The following GRIK3 variants were observed in gnomAD, a reference collection of about 807,000 sequenced individuals.
GRIK3 encodes the protein glutamate receptor ionotropic, kainate 3.
GRIK3 carries 29 observed loss-of-function variants against 102.5 expected under a neutral mutation model. That is an observed-to-expected ratio of 0.28 (90% CI 0.21 to 0.39). The LOEUF (loss-of-function observed/expected upper bound fraction) is 0.39. Ranked by LOEUF, GRIK3 falls within the 10% of genes least tolerant of loss-of-function variation. The pLI is 1.00. For synonymous variants in GRIK3, 511 were observed against 504.9 expected (o/e 1.01, Z -0.16); for missense variants, 908 against 1,252.4 (o/e 0.73, Z 4.15).
intron 1 of GRIK3, among the ~76,000 whole-genome samples, chr1:36,973,001 C>T (rs1017095049): frequency 1.3e-5 from 2 of 152,188 alleles, no homozygotes; most frequent in Admixed American, 6.5e-5. Flanking sequence ...GTACAAAGAC[C>T]TGAGAGGTTC....
chr1:36,949,976 T>C (rs560663045), intron 1 of GRIK3, among the ~76,000 whole-genome samples: 11 of 152,262 alleles, frequency 7.2e-5, no homozygotes, highest in African/African-American at 2.6e-4. Flanking sequence ...AGCTGGTAAA[T>C]ATCAGAGCCA....
chr1:36,941,569 G>A (rs996700175), intron 1 of GRIK3, among the ~76,000 whole-genome samples: 5 of 152,026 alleles, frequency 3.3e-5, no homozygotes, highest in African/African-American at 1.2e-4. Flanking sequence ...GGGGAGTGCT[G>A]TATAAAGGCG....
chr1:37,030,670 T>G (rs1233740930), intron 1 of GRIK3, among the ~76,000 whole-genome samples: 1 of 151,776 alleles, frequency 6.6e-6, no homozygotes, highest in African/African-American at 2.4e-5. Flanking sequence ...CTGGCCAGGC[T>G]TCCCCAGCTG....
At chr1:36,909,009 A>G (rs72917523) in intron 1 of GRIK3, among the ~76,000 whole-genome samples, 4,963 of 152,290 alleles carry the variant, frequency 0.033, 196 homozygotes, top group East Asian at 0.11. Flanking sequence ...AACACTCATG[A>G]GAACCTCTAC....
intron 7 of GRIK3, 91 bp downstream of exon 7, chr1:36,859,017 T>A: frequency 8.6e-7 from 1 of 1,162,584 alleles, no homozygotes; most frequent in Non-Finnish European, 1.2e-6. Context: ...TGGATGAGAA[T>A]CAATCCTTCC....
At chr1:36,948,774 G>A (rs1024198849) in intron 1 of GRIK3, among the ~76,000 whole-genome samples, 52 of 152,184 alleles carry the variant, frequency 3.4e-4, no homozygotes, top group African/African-American at 1.2e-3. Flanking sequence ...AGGAGCGCCT[G>A]GCCTCCTTGT....
rs1035652270 is a variant in GRIK3, at chr1:36,952,819, A to T, written c.116-61723T>A. Among the ~76,000 whole-genome samples the T allele has an allele frequency of 2.0e-5, 3 of 152,204 alleles. No individual in the cohort carries two copies. In the South Asian group the frequency reaches 6.2e-4, roughly 32 times the overall value. ...GGGTGTTGGGGGGTCTAATTTATACATGGTGTTCAGGGAAGGGTTCTTCAA... is the reference window on the plus strand; with the variant it reads ...GGGTGTTGGGGGGTCTAATTTATACTTGGTGTTCAGGGAAGGGTTCTTCAA... On this transcript the variant is annotated intron_variant, in intron 1 of 15. Coordinates refer to ENST00000373091, the MANE Select transcript of GRIK3 (RefSeq NM_000831.4).
rs115290560 is a variant in GRIK3 at position 36,967,515 on chromosome 1, C to G, written c.115+66479G>C. ...CTATGGAAACACTGACACCAGGAAGCAGAACCACAGCCTATGGTCTGGAAA... is the reference window on the plus strand; with the variant it reads ...CTATGGAAACACTGACACCAGGAAGGAGAACCACAGCCTATGGTCTGGAAA... On this transcript the variant is annotated intron_variant, in intron 1 of 15. Transcript: ENST00000373091. Among the ~76,000 whole-genome samples, 448 of 152,306 alleles carry G rather than the reference C, an allele frequency of 2.9e-3. 2 individuals carry two copies. The highest frequency in any genetic ancestry group is 0.01 in the African/African-American group (433 of 41,574).
chr1:36,820,620 C>T (rs1642685046), intron 11 of GRIK3, among the ~76,000 whole-genome samples: 1 of 152,088 alleles, frequency 6.6e-6, no homozygotes, highest in Non-Finnish European at 1.5e-5. Context: ...TGAGAACATG[C>T]TTTTGAATTT....
chr1:36,988,034 T>A (rs1162603439), intron 1 of GRIK3, among the ~76,000 whole-genome samples: 1 of 151,984 alleles, frequency 6.6e-6, no homozygotes, highest in African/African-American at 2.4e-5. Context: ...CTCATGCCTG[T>A]AATCCCAGCA....
intron 1 of GRIK3, among the ~76,000 whole-genome samples, chr1:36,962,473 T>C (rs1039304371): frequency 6.6e-6 from 1 of 152,000 alleles, no homozygotes; most frequent in African/African-American, 2.4e-5. Flanking sequence ...GGGATGGGTC[T>C]AGATTCAGGG....
chr1:36,988,226 G>C (rs1642327053), intron 1 of GRIK3, among the ~76,000 whole-genome samples: 1 of 152,174 alleles, frequency 6.6e-6, no homozygotes, highest in African/African-American at 2.4e-5. Flanking sequence ...AGGAGGTGGA[G>C]GTTGCAGTGA....
chr1:37,000,763 T>A (rs79586470), intron 1 of GRIK3, among the ~76,000 whole-genome samples: 4,609 of 152,222 alleles, frequency 0.03, 250 homozygotes, highest in African/African-American at 0.11. Context: ...CCTTAGGCAG[T>A]AAGCATCCCA....
chr1:36,894,918 CA>C (rs1478899740), intron 1 of GRIK3, among the ~76,000 whole-genome samples: 2 of 152,200 alleles, frequency 1.3e-5, no homozygotes, highest in Non-Finnish European at 2.9e-5. Flanking sequence ...GGTTTGTCCT[CA>C]GGGGAAACTA....
At position 36,796,152 on chromosome 1, in the gene GRIK3, C is replaced by T. The variant is rs983071593; in HGVS notation, c.*5699G>A. 6.6e-6 allele frequency: 1 copy of T among 152,390 alleles called. No homozygotes were observed. The highest frequency in any genetic ancestry group is 1.5e-5 in the Non-Finnish European group (1 of 68,168). The allele number at this position is 152,390 out of a possible 1,614,324, so 9.4% of individuals were successfully genotyped here. ...AGGCTGCTGACTGCACGGAAGCCCA[C>T]CTCAGATATCTCCTCCCCTGCATGC... is the stretch of plus-strand genomic sequence containing the variant. On this transcript the variant is annotated 3_prime_UTR_variant, in exon 16 of 16. Coordinates refer to ENST00000373091, the MANE Select transcript of GRIK3 (RefSeq NM_000831.4).
At chr1:36,947,747 GC>G (rs543321742) in intron 1 of GRIK3, among the ~76,000 whole-genome samples, 1 of 151,676 alleles carries the variant, frequency 6.6e-6, no homozygotes, top group Non-Finnish European at 1.5e-5. Context: ...CTATCCTCCT[GC>G]CCCCCCATGA....
chr1:36,931,315 C>T lies in GRIK3; in HGVS notation c.116-40219G>A, dbSNP rs1044150241. Among the ~76,000 whole-genome samples, 4 of 152,176 alleles carry T rather than the reference C, an allele frequency of 2.6e-5. No individual in the cohort carries two copies. In the East Asian group the frequency reaches 5.8e-4, roughly 22 times the overall value. ...TCAGCTCCCTCTCGGCCCAGCCTCCCCTGGAGAGAGGCACAAATGGGTCCT... is the reference window on the plus strand; with the variant it reads ...TCAGCTCCCTCTCGGCCCAGCCTCCTCTGGAGAGAGGCACAAATGGGTCCT... On this transcript the variant is annotated intron_variant, in intron 1 of 15. Transcript: ENST00000373091.
rs1477857260 is a variant in GRIK3 at position 37,013,700 on chromosome 1, C to A, written c.115+20294G>T. Among the ~76,000 whole-genome samples, 3 of 152,152 alleles carry A rather than the reference C, an allele frequency of 2.0e-5. No homozygotes were observed. The East Asian group carries it at 5.8e-4, about 29-fold the overall frequency. On this transcript the variant is annotated intron_variant, in intron 1 of 15. Transcript: ENST00000373091. Reference sequence around the variant, plus strand: ...GACCAGGCTTTGGTGAGGTCCCTAGCTGGAAGGGGTGTCACTCACCAAGAG... The same window carrying A: ...GACCAGGCTTTGGTGAGGTCCCTAGATGGAAGGGGTGTCACTCACCAAGAG...
chr1:37,027,074 C>G (rs1642772073), intron 1 of GRIK3, among the ~76,000 whole-genome samples: 1 of 151,992 alleles, frequency 6.6e-6, no homozygotes, highest in Non-Finnish European at 1.5e-5. Flanking sequence ...GATACCGACT[C>G]ACCCCCAGAA....
Sources: allele counts gnomAD v4.1 joint callset (sites outside exome capture counted in the v4.1 genomes callset), GRCh38; gene constraint gnomAD v4.1.1; transcripts MANE v1.5; gene names NCBI Gene and HGNC (gene_info 2026-07-23, HGNC 2026-07-21).